The following RPAP1 variants were observed in gnomAD, a reference collection of about 807,000 sequenced individuals.
RPAP1 encodes RNA polymerase II-associated protein 1.
In RPAP1, 109 loss-of-function variants were observed where a neutral mutation model predicts 142.4. The ratio of observed to expected loss-of-function variants is 0.77; its 90% CI spans 0.66 to 0.90. The LOEUF (loss-of-function observed/expected upper bound fraction) is 0.90, where lower values mean the gene tolerates loss of function less well. Ranked by LOEUF, RPAP1 falls within the 40% of genes least tolerant of loss-of-function variation. The pLI is 0.00. For synonymous variants in RPAP1, 704 were observed against 738.9 expected (o/e 0.95, Z 0.77); for missense variants, 1,546 against 1,751.7 (o/e 0.88, Z 2.10).
intron 19 of RPAP1, 98 bp from the exon 20 acceptor site, chr15:41,522,348 G>T: frequency 1.7e-6 from 2 of 1,178,248 alleles, no homozygotes. Context: ...GGAAATGAGT[G>T]CCAGCAGAAG....
intron 19 of RPAP1, 161 bp downstream of exon 19, chr15:41,522,604 G>A: frequency 1.6e-6 from 1 of 608,812 alleles, no homozygotes; most frequent in Non-Finnish European, 2.8e-6. Context: ...TGGCCAGGCT[G>A]GTCTCGAACT....
At chr15:41,530,955 A>C (rs2051840409) in intron 7 of RPAP1, 68 bp downstream of exon 7, 1 of 1,449,592 alleles carries the variant, frequency 6.9e-7, no homozygotes, top group Non-Finnish European at 9.4e-7. Flanking sequence ...CTCATTTGCC[A>C]GGCCTAGGAA....
intron 21 of RPAP1, 118 bp downstream of exon 21, chr15:41,521,620 G>C: frequency 8.9e-7 from 1 of 1,128,680 alleles, no homozygotes; most frequent in Non-Finnish European, 1.3e-6. Flanking sequence ...GAAGAGTTAA[G>C]TGTCGTCGGT....
chr15:41,523,737 G>A, intron 17 of RPAP1, 34 bp downstream of exon 17: 1 of 1,551,172 alleles, frequency 6.4e-7, no homozygotes, highest in Non-Finnish European at 8.7e-7. Context: ...GCAGGGTGCG[G>A]GGGCCTGGTG....
intron 1 of RPAP1, 41 bp from the exon 2 acceptor site, chr15:41,537,242 C>T: frequency 2.0e-6 from 2 of 1,002,048 alleles, no homozygotes. Context: ...CAACTGAACC[C>T]TGATTCTCTT....
chr15:41,517,858 C>T lies in RPAP1; in HGVS notation c.3973-1G>A. The T allele has an allele frequency of 1.9e-6, 3 of 1,614,144 alleles. No homozygotes were observed. Among genetic ancestry groups the T allele is most frequent in the Non-Finnish European group, 2.5e-6 (3 of 1,180,016 alleles). On this transcript the variant is annotated splice_acceptor_variant, in intron 23 of 24. Transcript: ENST00000304330. LOFTEE classifies it high-confidence loss of function. ...TCCTGCGGGCAGCTTTGACCTCATC[C>T]TAGAAGCAGAACAGGGAGAGGTGGC... is the stretch of plus-strand genomic sequence containing the variant.
rs2051798496 is a variant in RPAP1, at chr15:41,526,999, C to T, written c.1816G>A (p.Gly606Arg). Residue 606 changes from glycine to arginine, a missense_variant, in exon 14 of 25, where the codon GGG becomes AGG. Physicochemically the swap from Gly to Arg is moderately radical, Grantham distance 125 (BLOSUM62 -2). Transcript: ENST00000304330. ...TATAGACTAGGGGTAGGCCCTGCCCCCACAGGAGACCAACTGGTGGGCAAG... is the reference window on the plus strand; with the variant it reads ...TATAGACTAGGGGTAGGCCCTGCCCTCACAGGAGACCAACTGGTGGGCAAG... ...EFLPTSWSPV[G>R]AGPTPSLYKV... 2 of 1,614,220 alleles carry T rather than the reference C, an allele frequency of 1.2e-6. No homozygotes were observed. The highest frequency in any genetic ancestry group is 1.7e-6 in the Non-Finnish European group (2 of 1,180,042).
Position 41,521,738 on chromosome 15 carries a change from G to A in RPAP1, c.3038C>T (p.Pro1013Leu), listed in dbSNP as rs143201430. 9.9e-6 allele frequency: 16 copies of A among 1,613,892 alleles called. No individual in the cohort carries two copies. The African/African-American group carries it at 1.3e-4, about 13-fold the overall frequency. ...TTGATGCCACCAACCAAGCACTTACGGGAGGAACTCCAGCCGGAATACACA... is the reference window on the plus strand; with the variant it reads ...TTGATGCCACCAACCAAGCACTTACAGGAGGAACTCCAGCCGGAATACACA... ...LSCVFRLEFL[P>L]ERTSGGPEAA... Residue 1013 changes from proline to leucine, a missense_variant and splice_region_variant, in exon 21 of 25, where the codon CCG becomes CTG. By Grantham distance (98) the Pro-to-Leu change is moderately conservative (BLOSUM62 -3). This residue lies in a region of RPAP1 where 1,333 missense variants were observed against 1,486.6 expected (regional missense o/e 0.90). Transcript: ENST00000304330.
At chr15:41,541,892 T>C (rs1323248221) in intron 1 of RPAP1, among the ~76,000 whole-genome samples, 1 of 152,108 alleles carries the variant, frequency 6.6e-6, no homozygotes, top group Non-Finnish European at 1.5e-5. Context: ...TTTTTCTTCA[T>C]CTACTTCTAA....
Position 41,528,347 on chromosome 15 carries a change from G to C in RPAP1, c.1159-11C>G, listed in dbSNP as rs1321751597. On this transcript the variant is annotated splice_polypyrimidine_tract_variant and intron_variant, in intron 9 of 24. Transcript: ENST00000304330. ...GGAATACCCCGCTCTCTGGGGCAGGGACAAGAAGTCAGAAGCAGCCAGGAT... is the reference window on the plus strand; with the variant it reads ...GGAATACCCCGCTCTCTGGGGCAGGCACAAGAAGTCAGAAGCAGCCAGGAT... The C allele has an allele frequency of 6.4e-7, 1 of 1,569,800 alleles. No homozygotes were observed. Among genetic ancestry groups the C allele is most frequent in the Non-Finnish European group, 8.7e-7 (1 of 1,154,830 alleles).
rs771746302 is a variant in RPAP1, at chr15:41,527,481, T to C, written c.1553A>G (p.Lys518Arg). The change falls in exon 12 of 25, where the codon AAA becomes AGA. Residue 518 changes from lysine to arginine, a missense_variant. Lys to Arg is a conservative substitution (Grantham distance 26). Coordinates refer to ENST00000304330, the MANE Select transcript of RPAP1 (RefSeq NM_015540.4). Reference protein sequence around the residue: ...EECPAGKAKRKSPEEESRPPP... With the variant: ...EECPAGKAKRRSPEEESRPPP... Reference sequence around the variant, plus strand: ...AGGCCGGCTTTCTTCTTCAGGGCTTTTCCTTTTTGCTTTTCCTGCTGGGCA... The same window carrying C: ...AGGCCGGCTTTCTTCTTCAGGGCTTCTCCTTTTTGCTTTTCCTGCTGGGCA... The C allele has an allele frequency of 6.2e-7, 1 of 1,614,220 alleles. No individual in the cohort carries two copies. The highest frequency in any genetic ancestry group is 1.1e-5 in the South Asian group (1 of 91,086).
At position 41,527,065 on chromosome 15, in the gene RPAP1, G is replaced by C; in HGVS notation, c.1750C>G (p.Leu584Val). Reference sequence around the variant, plus strand: ...GTCTCTATCAGCCGAGGGCACTCCAGGACCTATGGGAGACAGGAGGTAAAA... The same window carrying C: ...GTCTCTATCAGCCGAGGGCACTCCACGACCTATGGGAGACAGGAGGTAAAA... Reference protein sequence around the residue: ...RHSLESATRVLECPRLIETIV... With the variant: ...RHSLESATRVVECPRLIETIV... Residue 584 changes from leucine to valine, a missense_variant, in exon 14 of 25, where the codon CTG (leucine) becomes GTG (valine). Coordinates refer to ENST00000304330, the MANE Select transcript of RPAP1 (RefSeq NM_015540.4). The C allele has an allele frequency of 1.9e-6, 3 of 1,613,688 alleles. No homozygotes were observed. Among genetic ancestry groups the C allele is most frequent in the Non-Finnish European group, 2.5e-6 (3 of 1,179,602 alleles).
At chr15:41,519,367 C>T (rs966987846) in intron 22 of RPAP1, among the ~76,000 whole-genome samples, 6 of 151,872 alleles carry the variant, frequency 4.0e-5, no homozygotes, top group African/African-American at 1.5e-4. Flanking sequence ...ACCACGACAC[C>T]CGGCTAATTT....
Position 41,536,525 on chromosome 15 carries a change from G to A in RPAP1, c.306C>T (p.Ile102=). 6.2e-7 allele frequency: 1 copy of A among 1,614,168 alleles called. No individual in the cohort carries two copies. The highest frequency in any genetic ancestry group is 8.5e-7 in the Non-Finnish European group (1 of 1,180,026). Residue 102 remains isoleucine, a synonymous_variant, in exon 3 of 25, where the codon ATC becomes ATT. Transcript: ENST00000304330. ...CAATAATCTTAGTCAAGACAGCAGT[G>A]ATGTGCTGATCATGCCTCCTCAGCC... The part of the protein sequence containing the change: ...EERLRRHDQH[I]TAVLTKIIER...
chr15:41,525,500 G>A (rs1355123326), intron 14 of RPAP1, among the ~76,000 whole-genome samples: 10 of 151,662 alleles, frequency 6.6e-5, no homozygotes, highest in African/African-American at 9.7e-5. Context: ...CACCATGCCC[G>A]ACTAATTTTT....
At chr15:41,537,633 G>A (rs574915733) in intron 1 of RPAP1, among the ~76,000 whole-genome samples, 22 of 152,272 alleles carry the variant, frequency 1.4e-4, no homozygotes, top group African/African-American at 3.6e-4. Context: ...CGTAATCCCA[G>A]CATTTTGTAA....
At chr15:41,531,997 C>A (rs1329644022) in intron 6 of RPAP1, among the ~76,000 whole-genome samples, 3 of 150,194 alleles carry the variant, frequency 2.0e-5, no homozygotes, top group Non-Finnish European at 4.4e-5. Flanking sequence ...CTGGGACTAC[C>A]GGCATGCACC....
intron 21 of RPAP1, 77 bp from the exon 22 acceptor site, chr15:41,521,224 C>T: frequency 7.1e-7 from 1 of 1,402,590 alleles, no homozygotes. Flanking sequence ...TTTGGAACTT[C>T]CTGGAGGCTC....
chr15:41,523,668 G>A (rs954002030), intron 17 of RPAP1, 103 bp downstream of exon 17: 7 of 972,894 alleles, frequency 7.2e-6, no homozygotes, highest in African/African-American at 1.6e-5. Context: ...TAGTAAATGG[G>A]GAAGTAGGAG....
Sources: allele counts gnomAD v4.1 joint callset (sites outside exome capture counted in the v4.1 genomes callset), GRCh38; gene constraint gnomAD v4.1.1; regional missense constraint gnomAD v4.1.1; transcripts MANE v1.5; gene names NCBI Gene and HGNC (gene_info 2026-07-23, HGNC 2026-07-21).